FAM221A: variants seen among roughly 807,000 people sequenced by gnomAD.
The protein encoded by FAM221A is family with sequence similarity 221 member A.
FAM221A carries 43 observed loss-of-function variants against 37.6 expected under a neutral mutation model. The observed-to-expected ratio is 1.15, with a 90% CI of 0.90 to 1.48. The LOEUF is 1.48. FAM221A is among the 40% of genes most tolerant of loss of function. The pLI is 0.00. For synonymous variants in FAM221A, 135 were observed against 132.9 expected, an observed-to-expected ratio of 1.02 and a Z score of -0.11; for missense variants, 361 against 361.5, an observed-to-expected ratio of 1.00 and a Z score of 0.01.
At chr7:23,701,649 G>A (rs1295504182) in intron 6 of FAM221A, among the ~76,000 whole-genome samples, 2 of 151,972 alleles carry the variant, frequency 1.3e-5, no homozygotes, top group Non-Finnish European at 2.9e-5. Context: ...CTGCTTTTTT[G>A]CTTTAACTAC....
intron 4 of FAM221A, chr7:23,693,789 C>T (rs1784885217): frequency 6.6e-6 from 1 of 152,112 alleles, no homozygotes. Flanking sequence ...GTTATTCAAG[C>T]ACCATTCTTG....
chr7:23,680,963 C>CGCTCCAG (rs1784002829), intron 1 of FAM221A, among the ~76,000 whole-genome samples: 2 of 152,106 alleles, frequency 1.3e-5, no homozygotes, highest in Admixed American at 1.3e-4. Flanking sequence ...GGAGGGGAGA[C>CGCTCCAG]GCTCCAGGCT....
intron 4 of FAM221A, chr7:23,694,461 G>A (rs1438435162): frequency 3.3e-5 from 5 of 151,964 alleles, no homozygotes; most frequent in Admixed American, 3.3e-4. Context: ...AGTTTTATGG[G>A]TGCATAATTG....
chr7:23,695,247 G>C (rs947023332), intron 4 of FAM221A, among the ~76,000 whole-genome samples: 16 of 152,212 alleles, frequency 1.1e-4, no homozygotes, highest in African/African-American at 3.9e-4. Flanking sequence ...GAGTAGCTGG[G>C]ACTACAGGTG....
rs955582357 is a variant in FAM221A, at chr7:23,689,269, G to A, written c.240G>A (p.Arg80=). The change falls in exon 3 of 7, where the codon AGG becomes AGA. Residue 80 remains arginine (R), a splice_region_variant and synonymous_variant. Coordinates refer to ENST00000344962, the MANE Select transcript of FAM221A (RefSeq NM_199136.5). ...GPETLCFCTH[R]YKQHKTDLEA... ...TTTCTCTCTCTTTCTCCTTTTTTAGGTATAAACAACATAAAACTGACTTGG... is the reference window on the plus strand; with the variant it reads ...TTTCTCTCTCTTTCTCCTTTTTTAGATATAAACAACATAAAACTGACTTGG... 8 of 1,508,436 alleles carry A rather than the reference G, an allele frequency of 5.3e-6. No individual in the cohort carries two copies. Among genetic ancestry groups the A allele is most frequent in the Non-Finnish European group, 7.2e-6 (8 of 1,107,532 alleles). 93.4% of individuals were successfully genotyped at this position (1,508,436 alleles called of 1,614,324 possible).
At chr7:23,694,406 A>C (rs993395121) in intron 4 of FAM221A, 7 of 152,136 alleles carry the variant, frequency 4.6e-5, no homozygotes, top group African/African-American at 4.8e-5. Context: ...TCTTCTAGGT[A>C]ATTTTATAAC....
chr7:23,691,389 G>A lies in FAM221A; in HGVS notation c.431-1G>A, dbSNP rs762224855. 1 of 1,613,954 alleles carries A rather than the reference G, an allele frequency of 6.2e-7. No homozygotes were observed. Among genetic ancestry groups the A allele is most frequent in the Non-Finnish European group, 8.5e-7 (1 of 1,179,862 alleles). The stretch of plus-strand genomic sequence containing the variant: ...TTAACTCCCTTTACATCTTGATTCA[G>A]GTTCCAAGTGTTCAGGATTCCATAG... On this transcript the variant is annotated splice_acceptor_variant, in intron 3 of 6. Transcript: ENST00000344962. LOFTEE classifies it high-confidence loss of function.
chr7:23,691,819 A>G (rs1784771782), intron 4 of FAM221A, among the ~76,000 whole-genome samples: 1 of 152,142 alleles, frequency 6.6e-6, no homozygotes, highest in South Asian at 2.1e-4. Context: ...GCTACTATAC[A>G]ATGTATTGTC....
intron 4 of FAM221A, chr7:23,692,298 T>C: frequency 1.5e-6 from 1 of 654,176 alleles, no homozygotes; most frequent in Non-Finnish European, 1.9e-6. Flanking sequence ...CATGTATTTT[T>C]TCATTTAAAA....
intron 2 of FAM221A, 98 bp from the exon 3 acceptor site, chr7:23,689,171 T>G (rs2128040751): frequency 1.3e-6 from 1 of 747,876 alleles, no homozygotes; most frequent in South Asian, 3.2e-5. Flanking sequence ...AAAGCAATAA[T>G]AATTAAAAAA....
At chr7:23,682,371 A>ATGTGTGTG (rs10533703) in intron 1 of FAM221A, among the ~76,000 whole-genome samples, 11 of 138,128 alleles carry the variant, frequency 8.0e-5, no homozygotes, top group Admixed American at 2.9e-4. Context: ...TGGCTTTATC[A>ATGTGTGTG]TGTGTGTGTG....
chr7:23,693,424 T>C (rs969338084), intron 4 of FAM221A: 1 of 152,184 alleles, frequency 6.6e-6, no homozygotes, highest in Non-Finnish European at 1.5e-5. Context: ...TTCATATTTA[T>C]TGGCCATTTC....
At chr7:23,690,812 C>T (rs1784700855) in intron 3 of FAM221A, among the ~76,000 whole-genome samples, 2 of 152,180 alleles carry the variant, frequency 1.3e-5, no homozygotes, top group East Asian at 1.9e-4. Context: ...AACCCATAAT[C>T]TACTTTCTGT....
chr7:23,684,415 A>T, intron 1 of FAM221A, 84 bp from the exon 2 acceptor site: 9 of 1,009,948 alleles, frequency 8.9e-6, no homozygotes, highest in Non-Finnish European at 1.3e-5. Flanking sequence ...TTACAAATTT[A>T]TTTAATATTT....
At chr7:23,693,766 A>G (rs775696237) in intron 4 of FAM221A, 33 of 152,160 alleles carry the variant, frequency 2.2e-4, no homozygotes, top group Non-Finnish European at 4.1e-4. Flanking sequence ...GTTTTTGTCT[A>G]AATTGATGGC....
Position 23,691,528 on chromosome 7 carries a change from C to A in FAM221A, c.569C>A (p.Ala190Asp). Residue 190 changes from alanine to aspartate, a missense_variant, in exon 4 of 7, where the codon GCC (alanine) becomes GAC (aspartate). Coordinates refer to ENST00000344962, the MANE Select transcript of FAM221A (RefSeq NM_199136.5). ...GTGGGACAGGACATTCCTTATGCAG[C>A]CATGGGAGGATTAACTGGTTTCAGC... ...KPVGQDIPYA[A>D]MGGLTGFSSL... 1 of 1,614,152 alleles carries A rather than the reference C, an allele frequency of 6.2e-7. No individual in the cohort carries two copies. Among genetic ancestry groups the A allele is most frequent in the Non-Finnish European group, 8.5e-7 (1 of 1,180,026 alleles).
chr7:23,696,404 A>G (rs144135651), intron 4 of FAM221A, among the ~76,000 whole-genome samples: 80 of 152,278 alleles, frequency 5.3e-4, no homozygotes, highest in African/African-American at 1.9e-3. Flanking sequence ...CAAAAATACA[A>G]AAAATTAGCT....
At chr7:23,698,076 TAGAA>T in intron 4 of FAM221A, 112 bp from the exon 5 acceptor site, 1 of 646,556 alleles carries the variant, frequency 1.5e-6, no homozygotes, top group Admixed American at 3.4e-5. Flanking sequence ...TTTTTTTTTA[TAGAA>T]AGAATTTCTA....
chr7:23,684,816 G>A (rs1784269975), intron 2 of FAM221A, 144 bp downstream of exon 2: 2 of 817,740 alleles, frequency 2.4e-6, no homozygotes, highest in East Asian at 5.6e-5. Flanking sequence ...GGGGATGGTG[G>A]CTCACATCTG....
Sources: gnomAD v4.1 joint callset for allele counts (sites outside exome capture counted in the v4.1 genomes callset) on GRCh38, gnomAD v4.1.1 for gene constraint, MANE v1.5 for transcripts, NCBI Gene and HGNC (gene_info 2026-07-23, HGNC 2026-07-21) for gene names.